The following EIF5A2 variants were observed in gnomAD, a reference collection of about 807,000 sequenced individuals.
EIF5A2 encodes the protein eukaryotic translation initiation factor 5A2.
In EIF5A2, 15 loss-of-function variants were observed where a neutral mutation model predicts 16.4. The observed-to-expected ratio is 0.92, with a 90% CI of 0.61 to 1.41. EIF5A2 has a LOEUF of 1.41. Among genes scored for constraint, EIF5A2 ranks in the 40% most tolerant of loss-of-function variants. The pLI is 0.00. For synonymous variants in EIF5A2, 48 were observed against 61.1 expected (o/e 0.79, Z 1.00); for missense variants, 144 against 189.5 (o/e 0.76, Z 1.41).
chr3:170,896,842 G>C (rs1712686709), intron 3 of EIF5A2, among the ~76,000 whole-genome samples: 1 of 152,146 alleles, frequency 6.6e-6, no homozygotes, highest in Non-Finnish European at 1.5e-5. Flanking sequence ...GAAAGATGAG[G>C]GAGAATTTGA....
At chr3:170,893,479 T>A in intron 4 of EIF5A2, 60 bp from the exon 5 acceptor site, 2 of 1,558,934 alleles carry the variant, frequency 1.3e-6, no homozygotes, top group Non-Finnish European at 1.8e-6. Flanking sequence ...GAAGATATAA[T>A]TAGTTCCTCA....
chr3:170,901,185 T>C (rs139607710), intron 3 of EIF5A2, among the ~76,000 whole-genome samples: 25 of 152,338 alleles, frequency 1.6e-4, no homozygotes, highest in African/African-American at 5.8e-4. Context: ...TCCAGTGTCT[T>C]TGTCAAAAAA....
At chr3:170,906,048 AATC>A (rs1309704668) in intron 3 of EIF5A2, among the ~76,000 whole-genome samples, 1 of 152,110 alleles carries the variant, frequency 6.6e-6, no homozygotes, top group African/African-American at 2.4e-5. Flanking sequence ...AGCAAAAGGA[AATC>A]ATTGCGTAAG....
intron 4 of EIF5A2, 117 bp downstream of exon 4, chr3:170,894,175 T>G: frequency 1.7e-6 from 2 of 1,159,612 alleles, no homozygotes; most frequent in Non-Finnish European, 2.4e-6. Context: ...GAGATCATTT[T>G]CAACATTTTA....
chr3:170,888,496 A>T lies in EIF5A2; in HGVS notation c.*4864T>A, dbSNP rs572145715. On this transcript the variant is annotated 3_prime_UTR_variant, in exon 5 of 5. Transcript: ENST00000295822. Reference sequence around the variant, plus strand: ...TATATTTTAATAATATCACAAAGTTATAATTGTTAAGGTATTATCTATATT... The same window carrying T: ...TATATTTTAATAATATCACAAAGTTTTAATTGTTAAGGTATTATCTATATT... 1.7e-4 allele frequency: 26 copies of T among 152,502 alleles called. No individual in the cohort carries two copies. Among genetic ancestry groups the T allele is most frequent in the African/African-American group, 6.3e-4 (26 of 41,582 alleles). 9.4% of individuals were successfully genotyped at this position (152,502 alleles called of 1,614,324 possible).
In EIF5A2 at chr3:170,907,803, C is replaced by T; in HGVS notation, c.4G>A (p.Ala2Thr). 6.5e-7 allele frequency: 1 copy of T among 1,537,680 alleles called. No individual in the cohort carries two copies. The highest frequency in any genetic ancestry group is 8.9e-7 in the Non-Finnish European group (1 of 1,127,902). ...CCAGTAGTGAAATCAATTTCGTCTG[C>T]CATGGTGGGCAGGGGAGATGGTAGT... M[A>T]DEIDFTTGDA... Residue 2 changes from alanine (A) to threonine (T), a missense_variant, in exon 2 of 5, where the codon GCA becomes ACA. By Grantham distance (58) the Ala-to-Thr change is moderately conservative. Transcript: ENST00000295822.
Position 170,894,342 on chromosome 3 carries a change from C to T in EIF5A2, c.352G>A (p.Glu118Lys). Residue 118 changes from glutamate (E) to lysine (K), a missense_variant, in exon 4 of 5, where the codon GAA becomes AAA. Glu to Lys is a moderately conservative substitution (Grantham distance 56). Coordinates refer to ENST00000295822, the MANE Select transcript of EIF5A2 (RefSeq NM_020390.6). ...VREDLKLPEG[E>K]LGKEIEGKYN... ...TTTCCCTCTATTTCTTTGCCTAGTTCACCTTCTGGCAGTTTAAGATCCTCA... is the reference window on the plus strand; with the variant it reads ...TTTCCCTCTATTTCTTTGCCTAGTTTACCTTCTGGCAGTTTAAGATCCTCA... The T allele has an allele frequency of 6.2e-7, 1 of 1,614,004 alleles. No homozygotes were observed. Among genetic ancestry groups the T allele is most frequent in the Non-Finnish European group, 8.5e-7 (1 of 1,179,966 alleles).
intron 4 of EIF5A2, among the ~76,000 whole-genome samples, 185 bp from the exon 5 acceptor site, chr3:170,893,604 A>G (rs1169187252): frequency 6.6e-6 from 1 of 152,236 alleles, no homozygotes; most frequent in African/African-American, 2.4e-5. Context: ...GGTTTGTAAG[A>G]CAACTTCCAG....
At chr3:170,900,603 A>G (rs978131639) in intron 3 of EIF5A2, among the ~76,000 whole-genome samples, 1 of 152,192 alleles carries the variant, frequency 6.6e-6, no homozygotes, top group African/African-American at 2.4e-5. Flanking sequence ...ATGTGAGAAT[A>G]AATAAGGACA....
At chr3:170,899,438 A>T (rs1009786844) in intron 3 of EIF5A2, among the ~76,000 whole-genome samples, 12 of 151,692 alleles carry the variant, frequency 7.9e-5, no homozygotes, top group African/African-American at 2.7e-4. Flanking sequence ...TATTTTTTGT[A>T]GATACAGGGT....
At chr3:170,897,397 C>T (rs1308366303) in intron 3 of EIF5A2, among the ~76,000 whole-genome samples, 3 of 152,164 alleles carry the variant, frequency 2.0e-5, no homozygotes, top group African/African-American at 7.2e-5. Context: ...GGTCCAGAGG[C>T]CTAGGAGGGA....
At chr3:170,905,386 A>G (rs1207992705) in intron 3 of EIF5A2, among the ~76,000 whole-genome samples, 2 of 152,266 alleles carry the variant, frequency 1.3e-5, no homozygotes, top group Non-Finnish European at 2.9e-5. Context: ...ACCTTATCAT[A>G]GTATAATAGT....
intron 3 of EIF5A2, among the ~76,000 whole-genome samples, chr3:170,906,367 A>T (rs531923969): frequency 6.6e-6 from 1 of 152,316 alleles, no homozygotes; most frequent in South Asian, 2.1e-4. Flanking sequence ...AACTGGAACT[A>T]AAACTTGAAA....
chr3:170,902,607 C>CTTTTTTT (rs1178996738), intron 3 of EIF5A2, among the ~76,000 whole-genome samples: 1 of 102,246 alleles, frequency 9.8e-6, no homozygotes, highest in African/African-American at 4.0e-5. Flanking sequence ...AGAAGCCTTC[C>CTTTTTTT]TTTTTTTTTT....
intron 3 of EIF5A2, among the ~76,000 whole-genome samples, chr3:170,898,890 G>A (rs1712737604): frequency 6.6e-6 from 1 of 151,624 alleles, no homozygotes; most frequent in Non-Finnish European, 1.5e-5. Context: ...TTGAGAGTAA[G>A]TTCCAAAGAT....
chr3:170,902,766 G>A (rs906749148), intron 3 of EIF5A2, among the ~76,000 whole-genome samples: 6 of 151,714 alleles, frequency 4.0e-5, no homozygotes, highest in African/African-American at 1.2e-4. Flanking sequence ...GCACCACCAC[G>A]CCTGACTAAT....
At chr3:170,906,651 A>C (rs539246911) in intron 3 of EIF5A2, among the ~76,000 whole-genome samples, 16 of 152,330 alleles carry the variant, frequency 1.1e-4, no homozygotes, top group African/African-American at 3.6e-4. Context: ...GGGATGTTTT[A>C]AATTAGAACA....
Position 170,893,247 on chromosome 3 carries a change from T to TA in EIF5A2, c.*112dup. The TA allele has an allele frequency of 9.7e-7, 1 of 1,031,734 alleles. No individual in the cohort carries two copies. The highest frequency in any genetic ancestry group is 1.4e-6 in the Non-Finnish European group (1 of 737,696). The allele number at this position is 1,031,734 out of a possible 1,614,324, so 63.9% of individuals were successfully genotyped here. A position where few individuals can be genotyped will look rare whatever the true frequency, so the allele number is the denominator to read the frequency against. On this transcript the variant is annotated 3_prime_UTR_variant, in exon 5 of 5. Coordinates refer to ENST00000295822, the MANE Select transcript of EIF5A2 (RefSeq NM_020390.6). ...TAACCCAGCACAATCTGAAAACAAT[T>TA]AAAAAAAGAAATGAGGTTGCTTATG... is the stretch of plus-strand genomic sequence containing the variant.
rs1422662866 is a variant in EIF5A2 at position 170,890,868 on chromosome 3, T to C, written c.*2492A>G. 1 of 152,630 alleles carries C rather than the reference T, an allele frequency of 6.6e-6. No homozygotes were observed. The allele number at this position is 152,630 out of a possible 1,614,324, so 9.5% of individuals were successfully genotyped here. ...ATACATGTTCCCCGCTTCCTTTTAA[T>C]ATAATTTATAAAGCTTTACTAAATA... On this transcript the variant is annotated 3_prime_UTR_variant, in exon 5 of 5. Transcript: ENST00000295822.
Sources: gnomAD v4.1 joint callset for allele counts (sites outside exome capture counted in the v4.1 genomes callset) on GRCh38, gnomAD v4.1.1 for gene constraint, MANE v1.5 for transcripts, NCBI Gene and HGNC (gene_info 2026-07-23, HGNC 2026-07-21) for gene names.